Variants in USP6NL observed in about 807,000 individuals in gnomAD.
USP6NL encodes USP6 N-terminal like, also known as USP6 N-terminal-like protein.
Under a neutral mutation model 61.9 loss-of-function variants are expected in USP6NL, and 26 were observed. The observed-to-expected ratio is 0.42, with a 90% CI of 0.31 to 0.58. The LOEUF (loss-of-function observed/expected upper bound fraction) is 0.58. Ranked by LOEUF, USP6NL falls within the 20% of genes least tolerant of loss-of-function variation. The pLI is 0.16. For missense variants in USP6NL, 1,114 were observed against 1,034.3 expected (o/e 1.08, Z -1.06); for synonymous variants, 432 against 390.1 (o/e 1.11, Z -1.27).
intron 2 of USP6NL, among the ~76,000 whole-genome samples, chr10:11,554,173 GAA>G (rs1353463023): frequency 2.0e-5 from 3 of 152,188 alleles, no homozygotes; most frequent in African/African-American, 7.2e-5. Context: ...ACACACAGAA[GAA>G]AGAGCAACGG....
rs530985296 is a variant in USP6NL, at chr10:11,474,698, ATT to A, written c.1078+7070_1078+7071del. Among the ~76,000 whole-genome samples the A allele has an allele frequency of 2.6e-5, 4 of 152,088 alleles. No homozygotes were observed. In the East Asian group the frequency reaches 5.8e-4, roughly 22 times the overall value. On this transcript the variant is annotated intron_variant, in intron 14 of 14. Transcript: ENST00000609104. This position sits in a 1 kb window ranked among gnomAD's most constrained non-coding sequence, Gnocchi z 4.9. ...TAGAAAATTTGTCCTTGAATTAATGATTTTTTTTAAAAAAAACTTGCATCAAC... is the reference window on the plus strand; with the variant it reads ...TAGAAAATTTGTCCTTGAATTAATGATTTTTTAAAAAAAACTTGCATCAAC...
intron 5 of USP6NL, 102 bp from the exon 6 acceptor site, chr10:11,509,777 T>C (rs970047445): frequency 2.3e-5 from 21 of 914,474 alleles, no homozygotes; most frequent in South Asian, 2.2e-4. Context: ...ACTAAAAAAG[T>C]TATGCTATAT....
rs1030335368 is a variant in USP6NL at position 11,521,377 on chromosome 10, A to T, written c.156-2803T>A. 2.5e-4 allele frequency among the ~76,000 whole-genome samples: 36 copies of T among 143,036 alleles called. 1 individual carries two copies. The highest frequency in any genetic ancestry group is 1.0e-3 in the Admixed American group (14 of 13,936). 93.8% of individuals were successfully genotyped at this position (143,036 alleles called of 152,430 possible). Reference sequence around the variant, plus strand: ...TTATATACATATATATTATTTATATATTTTTTTTTAAATTTTTTTTTTAGA... The same window carrying T: ...TTATATACATATATATTATTTATATTTTTTTTTTTAAATTTTTTTTTTAGA... On this transcript the variant is annotated intron_variant, in intron 4 of 14. Transcript: ENST00000609104.
intron 2 of USP6NL, among the ~76,000 whole-genome samples, chr10:11,577,744 G>A (rs146822528): frequency 5.9e-5 from 9 of 151,536 alleles, no homozygotes; most frequent in African/African-American, 1.9e-4. Flanking sequence ...CAGGTGACCC[G>A]CCTGCCTCGG....
In USP6NL at chr10:11,495,380, C is replaced by T. The variant is rs61847862; in HGVS notation, c.385-2152G>A. ...TGTTTTATATTTTATTATACTGGAA[C>T]AGCTCGTGTCCTCGGTCTCTTGCCT... On this transcript the variant is annotated intron_variant, in intron 7 of 14. Coordinates refer to ENST00000609104, the MANE Select transcript of USP6NL (RefSeq NM_014688.5). The surrounding 1 kb of genome is among the most constrained non-coding windows in gnomAD (Gnocchi z 4.6). Among the ~76,000 whole-genome samples, 12,417 of 152,204 alleles carry T rather than the reference C, an allele frequency of 0.082. 600 individuals are homozygous for T. Among genetic ancestry groups the T allele is most frequent in the South Asian group, 0.19 (918 of 4,820 alleles).
At chr10:11,467,919 T>G (rs935399536) in intron 14 of USP6NL, among the ~76,000 whole-genome samples, 1 of 152,240 alleles carries the variant, frequency 6.6e-6, no homozygotes, top group Non-Finnish European at 1.5e-5. Context: ...AATCTGCAGT[T>G]TTGGTGTATG....
intron 6 of USP6NL, among the ~76,000 whole-genome samples, chr10:11,501,520 G>C (rs1232288194): frequency 6.6e-6 from 1 of 152,196 alleles, no homozygotes; most frequent in East Asian, 1.9e-4. Context: ...TTAAAGGTGT[G>C]AACATCTGAT....
Position 11,482,568 on chromosome 10 carries a change from C to A in USP6NL, c.926-646G>T, listed in dbSNP as rs1394944323. Among the ~76,000 whole-genome samples the A allele has an allele frequency of 6.6e-6, 1 of 152,172 alleles. No individual in the cohort carries two copies. Among genetic ancestry groups the A allele is most frequent in the African/African-American group, 2.4e-5 (1 of 41,430 alleles). On this transcript the variant is annotated intron_variant, in intron 13 of 14. Coordinates refer to ENST00000609104, the MANE Select transcript of USP6NL (RefSeq NM_014688.5). This position sits in a 1 kb window ranked among gnomAD's most constrained non-coding sequence, Gnocchi z 4.0. ...ATTGAAGAATCCAAATTATACTTTT[C>A]AAGTTATTCCCCTTTTTGCTTTTTT... is the stretch of plus-strand genomic sequence containing the variant.
At chr10:11,541,382 T>G (rs1046445412) in intron 2 of USP6NL, among the ~76,000 whole-genome samples, 6 of 150,892 alleles carry the variant, frequency 4.0e-5, no homozygotes. Context: ...TTTATGTATA[T>G]TACCTCATTT....
intron 7 of USP6NL, 116 bp downstream of exon 7, chr10:11,500,985 T>C: frequency 1.2e-6 from 1 of 803,074 alleles, no homozygotes; most frequent in Non-Finnish European, 1.8e-6. Context: ...TCCAATGCGA[T>C]AGAATTTTAA....
intron 1 of USP6NL, among the ~76,000 whole-genome samples, chr10:11,606,429 A>G (rs1181670835): frequency 6.6e-6 from 1 of 152,216 alleles, no homozygotes; most frequent in Non-Finnish European, 1.5e-5. Context: ...AATGAAATGC[A>G]GTTAAGTCTA....
At chr10:11,606,937 A>G (rs1838724914) in intron 1 of USP6NL, among the ~76,000 whole-genome samples, 1 of 151,968 alleles carries the variant, frequency 6.6e-6, no homozygotes, top group African/African-American at 2.4e-5. Flanking sequence ...CCACAAGCGT[A>G]CGCCACCATG....
rs1024687391 is a variant in USP6NL at position 11,525,204 on chromosome 10, TAAAC to T, written c.155+178_155+181del. 4.6e-5 allele frequency among the ~76,000 whole-genome samples: 7 copies of T among 152,190 alleles called. No individual in the cohort carries two copies. The highest frequency in any genetic ancestry group is 7.4e-5 in the Non-Finnish European group (5 of 68,026). ...GCAAAAAATATTAAAAATTATATCT[TAAAC>T]AGTTAAATTTTAATCACAGAGTTGT... is the stretch of plus-strand genomic sequence containing the variant. On this transcript the variant is annotated intron_variant, in intron 4 of 14. Coordinates refer to ENST00000609104, the MANE Select transcript of USP6NL (RefSeq NM_014688.5). The surrounding 1 kb of genome is among the most constrained non-coding windows in gnomAD (Gnocchi z 5.0).
chr10:11,597,888 T>C lies in USP6NL; in HGVS notation c.-83-171A>G, dbSNP rs1169802350. ...TTATTAATCAACTTTTAGAATATCC[T>C]GTTGAATTCGTGTTTTCCTCTTTTG... On this transcript the variant is annotated intron_variant, in intron 1 of 14. Coordinates refer to ENST00000609104, the MANE Select transcript of USP6NL (RefSeq NM_014688.5). The surrounding 1 kb of genome is among the most constrained non-coding windows in gnomAD (Gnocchi z 4.6). 4.4e-4 allele frequency among the ~76,000 whole-genome samples: 67 copies of C among 152,248 alleles called. 1 individual carries two copies. Among genetic ancestry groups the C allele is most frequent in the Non-Finnish European group, 2.4e-4 (16 of 68,040 alleles).
rs1832966028 is a variant in USP6NL, at chr10:11,476,316, T to C, written c.1078+5454A>G. Among the ~76,000 whole-genome samples the C allele has an allele frequency of 6.6e-6, 1 of 152,168 alleles. No homozygotes were observed. The highest frequency in any genetic ancestry group is 2.4e-5 in the African/African-American group (1 of 41,436). ...TTGTGGTTGGCTGGGGGAAGGTCCT[T>C]GTTTCTTGGCTACAGAGACAAGTAT... On this transcript the variant is annotated intron_variant, in intron 14 of 14. Transcript: ENST00000609104. This position sits in a 1 kb window ranked among gnomAD's most constrained non-coding sequence, Gnocchi z 4.3.
At chr10:11,531,617 T>G (rs1389627362) in intron 2 of USP6NL, among the ~76,000 whole-genome samples, 1 of 151,682 alleles carries the variant, frequency 6.6e-6, no homozygotes, top group Non-Finnish European at 1.5e-5. Flanking sequence ...CGCACCCGCT[T>G]AGATTAACTA....
rs996023615 is a variant in USP6NL at position 11,463,250 on chromosome 10, C to A, written c.1678G>T (p.Asp560Tyr). Residue 560 changes from aspartate (D) to tyrosine (Y), a missense_variant, in exon 15 of 15, where the codon GAC becomes TAC. Transcript: ENST00000609104. This position sits in a 1 kb window ranked among gnomAD's most constrained non-coding sequence, Gnocchi z 6.3. ...QYDNVPGPEL[D>Y]SGASVEEALE... ...GCCTCCTCCACGGAAGCGCCGCTGT[C>A]CAGCTCCGGGCCTGGCACGTTGTCG... The A allele has an allele frequency of 4.3e-6, 7 of 1,613,554 alleles. No individual in the cohort carries two copies. The highest frequency in any genetic ancestry group is 5.1e-6 in the Non-Finnish European group (6 of 1,179,898).
Position 11,463,082 on chromosome 10 carries a change from G to A in USP6NL, c.1846C>T (p.Pro616Ser). Residue 616 changes from proline (P) to serine (S), a missense_variant, in exon 15 of 15, where the codon CCG (proline) becomes TCG (serine). By Grantham distance (74) the Pro-to-Ser change is moderately conservative. Coordinates refer to ENST00000609104, the MANE Select transcript of USP6NL (RefSeq NM_014688.5). This position sits in a 1 kb window ranked among gnomAD's most constrained non-coding sequence, Gnocchi z 6.3. ...KVQPPSHARY[P>S]SQLDGEARGL... ...CGGGCTTCCCCATCTAGCTGGGACG[G>A]ATATCGTGCATGACTTGGAGGCTGT... 2 of 1,614,054 alleles carry A rather than the reference G, an allele frequency of 1.2e-6. No individual in the cohort carries two copies. Among genetic ancestry groups the A allele is most frequent in the Non-Finnish European group, 1.7e-6 (2 of 1,179,904 alleles).
chr10:11,558,027 C>A (rs1301543838), intron 2 of USP6NL, among the ~76,000 whole-genome samples: 1 of 152,152 alleles, frequency 6.6e-6, no homozygotes, highest in East Asian at 1.9e-4. Flanking sequence ...CAAAAGCCTA[C>A]CTGAGGTTCA....
Sources: allele counts gnomAD v4.1 joint callset (sites outside exome capture counted in the v4.1 genomes callset), GRCh38; gene constraint gnomAD v4.1.1; non-coding constraint Gnocchi (gnomAD v3.1); transcripts MANE v1.5; gene names NCBI Gene and HGNC (gene_info 2026-07-23, HGNC 2026-07-21).